Variants in RBMS3 observed in about 807,000 individuals in gnomAD.
The protein encoded by RBMS3 is RNA binding motif single stranded interacting protein 3.
RBMS3 carries 27 observed loss-of-function variants against 66.8 expected under a neutral mutation model. The ratio of observed to expected loss-of-function variants is 0.40; its 90% confidence interval spans 0.30 to 0.56. The LOEUF is 0.56. RBMS3 is among the 20% of genes least tolerant of loss of function. The pLI, the probability that RBMS3 is intolerant of heterozygous loss-of-function variation, is 0.40. For missense variants in RBMS3, 513 were observed against 549.5 expected (o/e 0.93, Z 0.66); for synonymous variants, 188 against 183.0 (o/e 1.03, Z -0.22).
At chr3:29,604,364 T>C (rs984785314) in intron 4 of RBMS3, among the ~76,000 whole-genome samples, 2 of 151,992 alleles carry the variant, frequency 1.3e-5, no homozygotes, top group Non-Finnish European at 2.9e-5. Flanking sequence ...TTGTACCTCC[T>C]TTCTTTTAAA....
At chr3:29,908,105 G>C (rs1381122705) in intron 10 of RBMS3, among the ~76,000 whole-genome samples, 1 of 151,904 alleles carries the variant, frequency 6.6e-6, no homozygotes. Flanking sequence ...AAAAAAATTA[G>C]CCAGGCATGG....
At chr3:29,421,535 A>T (rs1299511882) in intron 1 of RBMS3, among the ~76,000 whole-genome samples, 1 of 152,188 alleles carries the variant, frequency 6.6e-6, no homozygotes, top group Non-Finnish European at 1.5e-5. Context: ...TTTAACGTAT[A>T]AGTTTTTTCC....
chr3:29,982,362 A>T (rs1698054222), intron 12 of RBMS3, among the ~76,000 whole-genome samples: 1 of 152,184 alleles, frequency 6.6e-6, no homozygotes, highest in African/African-American at 2.4e-5. Flanking sequence ...TTTTCAAAAA[A>T]CCAGCTCCTG....
At chr3:29,851,123 T>A (rs1443454715) in intron 6 of RBMS3, among the ~76,000 whole-genome samples, 2 of 152,206 alleles carry the variant, frequency 1.3e-5, no homozygotes, top group African/African-American at 4.8e-5. Flanking sequence ...TACCTTATCT[T>A]TTTTTAGCAC....
chr3:29,930,613 G>A (rs754892069), intron 10 of RBMS3, among the ~76,000 whole-genome samples: 4 of 151,938 alleles, frequency 2.6e-5, no homozygotes, highest in Admixed American at 6.6e-5. Flanking sequence ...TACCCCCTAG[G>A]TGCTAATAGC....
intron 1 of RBMS3, among the ~76,000 whole-genome samples, chr3:29,400,082 A>T (rs1027708228): frequency 3.3e-5 from 5 of 152,252 alleles, no homozygotes; most frequent in African/African-American, 1.2e-4. Flanking sequence ...TGGCTAGAGC[A>T]GTAATAAATT....
At chr3:29,328,437 A>G (rs1055393052) in intron 1 of RBMS3, among the ~76,000 whole-genome samples, 1 of 152,198 alleles carries the variant, frequency 6.6e-6, no homozygotes, top group East Asian at 1.9e-4. Context: ...AGTTTCTTTC[A>G]ATTCCACCAT....
intron 2 of RBMS3, among the ~76,000 whole-genome samples, chr3:29,471,615 A>G (rs1291934171): frequency 6.6e-6 from 1 of 152,074 alleles, no homozygotes; most frequent in Non-Finnish European, 1.5e-5. Context: ...TAATAGAATC[A>G]GGCTTATTTA....
chr3:29,864,811 A>AAAGG (rs1283921007), intron 6 of RBMS3, among the ~76,000 whole-genome samples: 54 of 143,232 alleles, frequency 3.8e-4, no homozygotes, highest in East Asian at 1.5e-3. Flanking sequence ...AATGTAAAAG[A>AAAGG]AAGGAAGGAA....
At chr3:29,573,029 T>A (rs1230277775) in intron 3 of RBMS3, among the ~76,000 whole-genome samples, 2 of 152,206 alleles carry the variant, frequency 1.3e-5, no homozygotes, top group Non-Finnish European at 2.9e-5. Context: ...CAGTTCCCTT[T>A]GATTTTCCAG....
chr3:29,435,300 G>T (rs527413599), intron 2 of RBMS3, among the ~76,000 whole-genome samples: 1 of 152,282 alleles, frequency 6.6e-6, no homozygotes, highest in African/African-American at 2.4e-5. Flanking sequence ...CTCAGAAGCG[G>T]TGGATTTCAG....
chr3:29,904,869 G>C (rs989082505), intron 10 of RBMS3, among the ~76,000 whole-genome samples: 2 of 151,756 alleles, frequency 1.3e-5, no homozygotes, highest in African/African-American at 4.8e-5. Flanking sequence ...GGTTTGCTTT[G>C]CTTAGTTTTC....
At chr3:29,545,598 A>G (rs558143484) in intron 3 of RBMS3, among the ~76,000 whole-genome samples, 1 of 152,208 alleles carries the variant, frequency 6.6e-6, no homozygotes, top group Non-Finnish European at 1.5e-5. Flanking sequence ...CATGACACAA[A>G]TTATTCAAAA....
chr3:29,598,269 C>T (rs955300620), intron 4 of RBMS3, among the ~76,000 whole-genome samples: 2 of 152,012 alleles, frequency 1.3e-5, no homozygotes, highest in Admixed American at 1.3e-4. Flanking sequence ...TATTGATTTG[C>T]TAATGTAACA....
At chr3:29,703,847 G>A in intron 4 of RBMS3, among the ~76,000 whole-genome samples, 1 of 148,542 alleles carries the variant, frequency 6.7e-6, no homozygotes, top group Non-Finnish European at 1.5e-5. Context: ...GATGAGTGCT[G>A]GGCGAGTGAA....
chr3:29,357,187 A>AT (rs2037273377), intron 1 of RBMS3, among the ~76,000 whole-genome samples: 1 of 151,990 alleles, frequency 6.6e-6, no homozygotes, highest in Non-Finnish European at 1.5e-5. Flanking sequence ...TCCTAATGCT[A>AT]TCCCTCCCCC....
chr3:29,952,627 C>T (rs1559832444), intron 12 of RBMS3, among the ~76,000 whole-genome samples: 1 of 151,690 alleles, frequency 6.6e-6, no homozygotes, highest in Non-Finnish European at 1.5e-5. Flanking sequence ...TGATTTGTTT[C>T]CCTGAGCTGT....
chr3:29,682,762 C>T lies in RBMS3; in HGVS notation c.400-56958C>T, dbSNP rs142551510. Among the ~76,000 whole-genome samples the T allele has an allele frequency of 1.5e-3, 232 of 152,276 alleles. 2 individuals are homozygous for T. Among genetic ancestry groups the T allele is most frequent in the African/African-American group, 5.3e-3 (220 of 41,566 alleles). On this transcript the variant is annotated intron_variant, in intron 4 of 14. Transcript: ENST00000383767. ...TAAAACAGCTAATGTTTCTCTGCAA[C>T]AGTGCTATTCACAAAAAGGCTGTCC... is the stretch of plus-strand genomic sequence containing the variant.
intron 6 of RBMS3, among the ~76,000 whole-genome samples, chr3:29,779,540 G>C (rs1000169282): frequency 1.3e-5 from 2 of 150,776 alleles, no homozygotes; most frequent in African/African-American, 4.9e-5. Context: ...ATTGTTTCTA[G>C]GGTTGAAAAG....
Sources: allele counts gnomAD v4.1 joint callset (sites outside exome capture counted in the v4.1 genomes callset), GRCh38; gene constraint gnomAD v4.1.1; transcripts MANE v1.5; gene names NCBI Gene and HGNC (gene_info 2026-07-23, HGNC 2026-07-21).